CDH4: variants seen among roughly 807,000 people sequenced by gnomAD.
CDH4 encodes the protein cadherin 4, also known as cadherin-4.
In CDH4, 33 loss-of-function variants were observed where a neutral mutation model predicts 86.0. That is an observed-to-expected ratio of 0.38 (90% CI 0.29 to 0.51). CDH4 has a LOEUF of 0.51. CDH4 is among the 20% of genes least tolerant of loss of function. CDH4 has a pLI of 0.86. For missense variants in CDH4, 1,114 were observed against 1,307.4 expected (o/e 0.85, Z 2.28); for synonymous variants, 555 against 549.4 (o/e 1.01, Z -0.14).
At chr20:61,739,893 TAG>T (rs2088312589) in intron 2 of CDH4, among the ~76,000 whole-genome samples, 1 of 152,190 alleles carries the variant, frequency 6.6e-6, no homozygotes, top group African/African-American at 2.4e-5. Context: ...GCCACATTCG[TAG>T]AGAGGCAAAG....
Position 61,422,442 on chromosome 20 carries a change from A to C in CDH4, c.169+167505A>C, listed in dbSNP as rs910410685. ...TCCGTCTCAAAAAAAAAAAAAAAAA[A>C]AAAAAAAAAAAAAAAAAAAAAAAAA... is the stretch of plus-strand genomic sequence containing the variant. On this transcript the variant is annotated intron_variant, in intron 2 of 15. Coordinates refer to ENST00000614565, the MANE Select transcript of CDH4 (RefSeq NM_001794.5). 3.9e-4 allele frequency among the ~76,000 whole-genome samples: 39 copies of C among 98,754 alleles called. 4 individuals are homozygous for C. The South Asian group carries it at 6.2e-3, about 16-fold the overall frequency. 64.8% of individuals were successfully genotyped at this position (98,754 alleles called of 152,430 possible).
At chr20:61,422,453 AAAAAAAAAAAAAAAC>A (rs1371137474) in intron 2 of CDH4, among the ~76,000 whole-genome samples, 1,549 of 84,734 alleles carry the variant, frequency 0.018, 139 homozygotes, top group African/African-American at 0.028. Context: ...AAAAAAAAAA[AAAAAAAAAAAAAAAC>A]CAAATCTCCC....
rs189174374 is a variant in CDH4 at position 61,429,036 on chromosome 20, G to T, written c.169+174099G>T. On this transcript the variant is annotated intron_variant, in intron 2 of 15. Coordinates refer to ENST00000614565, the MANE Select transcript of CDH4 (RefSeq NM_001794.5). Reference sequence around the variant, plus strand: ...TCCAGAACCTACTTTCTAGACTATAGAAAGATGTTAACGAAGATGACGGTA... The same window carrying T: ...TCCAGAACCTACTTTCTAGACTATATAAAGATGTTAACGAAGATGACGGTA... Among the ~76,000 whole-genome samples, 269 of 151,192 alleles carry T rather than the reference G, an allele frequency of 1.8e-3. 2 individuals carry two copies. The highest frequency in any genetic ancestry group is 6.2e-3 in the African/African-American group (255 of 41,448).
At chr20:61,357,729 C>G (rs554087076) in intron 2 of CDH4, among the ~76,000 whole-genome samples, 1 of 152,242 alleles carries the variant, frequency 6.6e-6, no homozygotes, top group East Asian at 1.9e-4. Context: ...TGCAAAATCC[C>G]CTATTTTCAA....
intron 2 of CDH4, among the ~76,000 whole-genome samples, chr20:61,334,574 C>T (rs1165974406): frequency 6.6e-6 from 1 of 152,194 alleles, no homozygotes; most frequent in Non-Finnish European, 1.5e-5. Context: ...CCTGACCGTG[C>T]CTGTTGCTGC....
Position 61,283,324 on chromosome 20 carries a change from G to A in CDH4, c.169+28387G>A, listed in dbSNP as rs1369263143. On this transcript the variant is annotated intron_variant, in intron 2 of 15. Transcript: ENST00000614565. ...GTGATGTACGTGCGTTTGCACGCGCGTGCTGTGGCGTGTGTGCGTTTGCAC... is the reference window on the plus strand; with the variant it reads ...GTGATGTACGTGCGTTTGCACGCGCATGCTGTGGCGTGTGTGCGTTTGCAC... Among the ~76,000 whole-genome samples, 6 of 16,892 alleles carry A rather than the reference G, an allele frequency of 3.6e-4. 2 individuals carry two copies. The highest frequency in any genetic ancestry group is 9.7e-4 in the African/African-American group (6 of 6,208). The allele number at this position is 16,892 out of a possible 152,430, so 11.1% of individuals were successfully genotyped here.
intron 2 of CDH4, among the ~76,000 whole-genome samples, chr20:61,273,861 TGGA>T (rs2084204218): frequency 6.7e-6 from 1 of 148,242 alleles, no homozygotes; most frequent in Non-Finnish European, 1.5e-5. Flanking sequence ...ATGTGCAGTT[TGGA>T]GGAGTATTGT....
rs567622808 is a variant in CDH4, at chr20:61,678,343, T to C, written c.170-65220T>C. ...GATGGATGGATGGTAAATATAAACG[T>C]AGATCAGTATAGACATGGGTATATA... On this transcript the variant is annotated intron_variant, in intron 2 of 15. Coordinates refer to ENST00000614565, the MANE Select transcript of CDH4 (RefSeq NM_001794.5). 7.1e-4 allele frequency among the ~76,000 whole-genome samples: 108 copies of C among 152,270 alleles called. No homozygotes were observed. In the Middle Eastern group the frequency reaches 0.01, roughly 14 times the overall value.
chr20:61,731,672 G>A (rs927606183), intron 2 of CDH4, among the ~76,000 whole-genome samples: 2 of 152,244 alleles, frequency 1.3e-5, no homozygotes, highest in Non-Finnish European at 2.9e-5. Flanking sequence ...AGGTGGGTTG[G>A]GATGGGCAGG....
At chr20:61,802,693 C>T (rs1287316563) in intron 4 of CDH4, among the ~76,000 whole-genome samples, 1 of 152,220 alleles carries the variant, frequency 6.6e-6, no homozygotes, top group Non-Finnish European at 1.5e-5. Flanking sequence ...GAGCGCAGCC[C>T]TGGGAGCTGC....
intron 2 of CDH4, among the ~76,000 whole-genome samples, chr20:61,613,401 A>G (rs755467607): frequency 2.0e-5 from 3 of 152,026 alleles, no homozygotes; most frequent in African/African-American, 4.8e-5. Flanking sequence ...TAGGTCAGTC[A>G]GTGGAGGAAC....
chr20:61,595,869 G>C (rs948838308), intron 2 of CDH4, among the ~76,000 whole-genome samples: 1 of 152,226 alleles, frequency 6.6e-6, no homozygotes, highest in African/African-American at 2.4e-5. Context: ...GAGCACAGTG[G>C]GGGTGAATGA....
At chr20:61,542,488 A>G (rs1025188158) in intron 2 of CDH4, among the ~76,000 whole-genome samples, 23 of 152,234 alleles carry the variant, frequency 1.5e-4, no homozygotes, top group South Asian at 6.2e-4. Context: ...AATGGGTACA[A>G]CTCTTCACAG....
intron 3 of CDH4, among the ~76,000 whole-genome samples, chr20:61,752,346 AAAAAG>A (rs1043416952): frequency 6.6e-6 from 1 of 151,896 alleles, no homozygotes; most frequent in African/African-American, 2.4e-5. Flanking sequence ...AAAAAAAAAA[AAAAAG>A]AACTTCTGAT....
At position 61,936,821 on chromosome 20, in the gene CDH4, G is replaced by A. The variant is rs758996336; in HGVS notation, c.2629G>A (p.Ala877Thr). 32 of 1,610,300 alleles carry A rather than the reference G, an allele frequency of 2.0e-5. No homozygotes were observed. Among genetic ancestry groups the A allele is most frequent in the East Asian group, 4.5e-5 (2 of 44,394 alleles). Residue 877 changes from alanine to threonine, a missense_variant, in exon 16 of 16, where the codon GCA (alanine) becomes ACA (threonine). Physicochemically the swap from Ala to Thr is moderately conservative, Grantham distance 58. This residue lies in a region of CDH4 where 188 missense variants were observed against 183.8 expected (regional missense o/e 1.02). Coordinates refer to ENST00000614565, the MANE Select transcript of CDH4 (RefSeq NM_001794.5). ...CGACTACGAGGGGAGCGGCTCCACCGCAGGCTCCGTCAGCTCCCTGAACTC... is the reference window on the plus strand; with the variant it reads ...CGACTACGAGGGGAGCGGCTCCACCACAGGCTCCGTCAGCTCCCTGAACTC... Reference protein sequence around the residue: ...VFDYEGSGSTAGSVSSLNSSS... With the variant: ...VFDYEGSGSTTGSVSSLNSSS...
chr20:61,865,912 T>C (rs188020377), intron 6 of CDH4, among the ~76,000 whole-genome samples: 1,334 of 118,956 alleles, frequency 0.011, 28 homozygotes, highest in African/African-American at 0.032. Context: ...ATGGCTTAGT[T>C]TCCTGGGCTG....
At chr20:61,719,054 A>G (rs202059300) in intron 2 of CDH4, 3 of 470,968 alleles carry the variant, frequency 6.4e-6, no homozygotes, top group Non-Finnish European at 1.3e-5. Context: ...CCCTGGCCAC[A>G]CTCGTGCTAA....
At chr20:61,688,702 G>A (rs1017003213) in intron 2 of CDH4, among the ~76,000 whole-genome samples, 3 of 152,236 alleles carry the variant, frequency 2.0e-5, no homozygotes, top group African/African-American at 2.4e-5. Flanking sequence ...GAGAGCTTCC[G>A]CCAGTGCCCC....
At chr20:61,881,774 A>T (rs1984290800) in intron 7 of CDH4, among the ~76,000 whole-genome samples, 1 of 152,246 alleles carries the variant, frequency 6.6e-6, no homozygotes, top group Non-Finnish European at 1.5e-5. Context: ...TGGCCCAATC[A>T]GCATCTGGAC....
Sources: gnomAD v4.1 joint callset for allele counts (sites outside exome capture counted in the v4.1 genomes callset) on GRCh38, gnomAD v4.1.1 for gene constraint, gnomAD v4.1.1 regional missense constraint, MANE v1.5 for transcripts, NCBI Gene and HGNC (gene_info 2026-07-23, HGNC 2026-07-21) for gene names.